PAXX: variants seen among roughly 807,000 people sequenced by gnomAD.
PAXX encodes PAXX non-homologous end joining factor.
In PAXX, 27 loss-of-function variants were observed where a neutral mutation model predicts 25.6. The ratio of observed to expected loss-of-function variants is 1.06; its 90% confidence interval spans 0.78 to 1.46. The LOEUF (loss-of-function observed/expected upper bound fraction) is 1.46, where lower values mean the gene tolerates loss of function less well. Among genes scored for constraint, PAXX ranks in the 40% most tolerant of loss-of-function variants. PAXX has a pLI of 0.00. For missense variants in PAXX, 295 were observed against 280.2 expected (o/e 1.05, Z -0.38); for synonymous variants, 126 against 125.7 (o/e 1.00, Z -0.02).
Position 136,993,139 on chromosome 9 carries a change from C to A in PAXX, c.317C>A (p.Ala106Asp). 6.3e-7 allele frequency: 1 copy of A among 1,595,370 alleles called. No individual in the cohort carries two copies. The highest frequency in any genetic ancestry group is 1.1e-5 in the South Asian group (1 of 88,986). ...CTTTCAGGGGGGCCCTCGGCACTGG[C>A]CTTTGACCTCTCCAAGGTACCAGGC... Reference protein sequence around the residue: ...LTLSGGPSALAFDLSKVPGPE... With the variant: ...LTLSGGPSALDFDLSKVPGPE... Residue 106 changes from alanine to aspartate, a missense_variant, in exon 4 of 7, where the codon GCC becomes GAC. Transcript: ENST00000371620.
Position 136,993,645 on chromosome 9 carries a change from A to G in PAXX, c.556A>G (p.Ile186Val), listed in dbSNP as rs370369437. The G allele has an allele frequency of 1.9e-6, 3 of 1,613,650 alleles. No homozygotes were observed. The African/African-American group carries it at 4.0e-5, about 22-fold the overall frequency. ...VRRRCPGESL[I>V]NPGFKSKKPA... The stretch of plus-strand genomic sequence containing the variant: ...GAGGCGGTGTCCAGGAGAGTCGCTC[A>G]TCAACCCCGGGTTCAAGAGGTACCC... The change falls in exon 6 of 7, where the codon ATC (isoleucine) becomes GTC (valine). Residue 186 changes from isoleucine to valine, a missense_variant. Coordinates refer to ENST00000371620, the MANE Select transcript of PAXX (RefSeq NM_183241.3).
chr9:136,992,897 G>A (rs1179910528), intron 2 of PAXX, 28 bp from the exon 3 acceptor site: 1 of 1,613,262 alleles, frequency 6.2e-7, no homozygotes, highest in Non-Finnish European at 8.5e-7. Flanking sequence ...GTTCCAGGCA[G>A]CTCGTGACAA....
In PAXX at chr9:136,993,887, C is replaced by T. The variant is rs1248178224; in HGVS notation, c.*82C>T. The T allele has an allele frequency of 1.1e-5, 15 of 1,372,756 alleles. No homozygotes were observed. The highest frequency in any genetic ancestry group is 1.4e-5 in the Non-Finnish European group (14 of 988,926). The allele number at this position is 1,372,756 out of a possible 1,614,324, so 85.0% of individuals were successfully genotyped here. The stretch of plus-strand genomic sequence containing the variant: ...TTTGAGGCCCCCATCAGAGACCCCC[C>T]GCCACCACCTCCACCTGCCTGTCCT... On this transcript the variant is annotated 3_prime_UTR_variant, in exon 7 of 7. Coordinates refer to ENST00000371620, the MANE Select transcript of PAXX (RefSeq NM_183241.3).
chr9:136,992,744 C>A, intron 2 of PAXX, 44 bp downstream of exon 2: 2 of 1,547,162 alleles, frequency 1.3e-6, no homozygotes, highest in Middle Eastern at 1.7e-4. Context: ...CCCCTCCTTG[C>A]AGTGCAGATC....
chr9:136,993,100 G>A lies in PAXX; in HGVS notation c.278G>A (p.Arg93Lys). The change falls in exon 4 of 7, where the codon AGA becomes AAA. Residue 93 changes from arginine (R) to lysine (K), a missense_variant. Arg to Lys is a conservative substitution (Grantham distance 26). Coordinates refer to ENST00000371620, the MANE Select transcript of PAXX (RefSeq NM_183241.3). ...QAVALTLQED[R>K]ASLTLSGGPS... Reference sequence around the variant, plus strand: ...GTGGCTCTGACTCTGCAGGAGGACAGAGCATCCCTGACGCTTTCAGGGGGG... The same window carrying A: ...GTGGCTCTGACTCTGCAGGAGGACAAAGCATCCCTGACGCTTTCAGGGGGG... 6.2e-7 allele frequency: 1 copy of A among 1,608,910 alleles called. No individual in the cohort carries two copies. The highest frequency in any genetic ancestry group is 8.5e-7 in the Non-Finnish European group (1 of 1,178,180).
At chr9:136,993,264 C>T in intron 4 of PAXX, 21 bp downstream of exon 4, 1 of 1,558,270 alleles carries the variant, frequency 6.4e-7, no homozygotes, top group Non-Finnish European at 8.7e-7. Context: ...GGGTGGGCAC[C>T]TCATACCTTC....
Position 136,993,655 on chromosome 9 carries a change from G to C in PAXX, c.566G>C (p.Gly189Ala), listed in dbSNP as rs767439543. The change falls in exon 6 of 7, where the codon GGG becomes GCG. Residue 189 changes from glycine (G) to alanine (A), a missense_variant. Transcript: ENST00000371620. Reference protein sequence around the residue: ...RCPGESLINPGFKSKKPAGGV... With the variant: ...RCPGESLINPAFKSKKPAGGV... Reference sequence around the variant, plus strand: ...CCAGGAGAGTCGCTCATCAACCCCGGGTTCAAGAGGTACCCTCCCACAGCC... The same window carrying C: ...CCAGGAGAGTCGCTCATCAACCCCGCGTTCAAGAGGTACCCTCCCACAGCC... The C allele has an allele frequency of 4.3e-6, 7 of 1,613,630 alleles. No individual in the cohort carries two copies. Among genetic ancestry groups the C allele is most frequent in the Non-Finnish European group, 5.1e-6 (6 of 1,179,972 alleles).
intron 2 of PAXX, 93 bp downstream of exon 2, chr9:136,992,793 C>G: frequency 6.3e-7 from 1 of 1,582,444 alleles, no homozygotes; most frequent in Non-Finnish European, 8.6e-7. Context: ...CCCCAGAAGG[C>G]TCTGACACCC....
In PAXX at chr9:136,993,661, A is replaced by G. The variant is rs756009637; in HGVS notation, c.572A>G (p.Lys191Arg). The change falls in exon 6 of 7, where the codon AAG (lysine) becomes AGG (arginine). Residue 191 changes from lysine (K) to arginine (R), a missense_variant. By Grantham distance (26) the Lys-to-Arg change is conservative. Coordinates refer to ENST00000371620, the MANE Select transcript of PAXX (RefSeq NM_183241.3). ...GAGTCGCTCATCAACCCCGGGTTCA[A>G]GAGGTACCCTCCCACAGCCCCCTTC... ...PGESLINPGF[K>R]SKKPAGGVDF... 5 of 1,613,770 alleles carry G rather than the reference A, an allele frequency of 3.1e-6. No individual in the cohort carries two copies. The South Asian group carries it at 5.5e-5, about 18-fold the overall frequency.
chr9:136,993,420 T>C lies in PAXX; in HGVS notation c.490+9T>C, dbSNP rs1433372501. 1 of 1,603,852 alleles carries C rather than the reference T, an allele frequency of 6.2e-7. No homozygotes were observed. The highest frequency in any genetic ancestry group is 2.2e-5 in the East Asian group (1 of 44,572). The stretch of plus-strand genomic sequence containing the variant: ...TCAGCTCTTCTTACCAGGTAAGGCA[T>C]GTCCGCCTGTGACTCAAGTAGGGCT... On this transcript the variant is annotated intron_variant, in intron 5 of 6. Transcript: ENST00000371620.
chr9:136,993,559 C>T (rs760005959), intron 5 of PAXX, 21 bp from the exon 6 acceptor site: 4 of 1,612,456 alleles, frequency 2.5e-6, no homozygotes, highest in Admixed American at 3.3e-5. Context: ...CAGGAGCTGC[C>T]CCTGTCCTGT....
intron 2 of PAXX, 83 bp downstream of exon 2, chr9:136,992,783 C>G: frequency 6.4e-7 from 1 of 1,569,952 alleles, no homozygotes; most frequent in Non-Finnish European, 8.7e-7. Flanking sequence ...ATCTGGGATT[C>G]CCCAGAAGGC....
At position 136,992,482 on chromosome 9, in the gene PAXX, G is replaced by T. The variant is rs1161004564; in HGVS notation, c.39G>T (p.Pro13=). ...PLSPPLCTLP[P]GPEPPRFVCY... ...CGCCGCCGCTCTGCACGCTGCCGCC[G>T]GGCCCCGAGCCGCCCCGCTTCGTGT... Residue 13 remains proline, a synonymous_variant, in exon 1 of 7, where the codon CCG becomes CCT. Coordinates refer to ENST00000371620, the MANE Select transcript of PAXX (RefSeq NM_183241.3). 1.4e-6 allele frequency: 2 copies of T among 1,385,712 alleles called. No individual in the cohort carries two copies. The highest frequency in any genetic ancestry group is 1.9e-6 in the Non-Finnish European group (2 of 1,066,656). The allele number at this position is 1,385,712 out of a possible 1,614,324, so 85.8% of individuals were successfully genotyped here. A position where few individuals can be genotyped will look rare whatever the true frequency, so the allele number is the denominator to read the frequency against.
intron 5 of PAXX, 36 bp from the exon 6 acceptor site, chr9:136,993,543 CA>C: frequency 6.2e-7 from 1 of 1,610,196 alleles, no homozygotes; most frequent in Non-Finnish European, 8.5e-7. Context: ...GGGATGCTGC[CA>C]GGTTCAGGAG....
intron 6 of PAXX, 33 bp downstream of exon 6, chr9:136,993,697 G>A (rs746167597): frequency 6.2e-7 from 1 of 1,613,504 alleles, no homozygotes; most frequent in Non-Finnish European, 8.5e-7. Flanking sequence ...CTGCGCCCAG[G>A]GTCCAATCCT....
At position 136,993,680 on chromosome 9, in the gene PAXX, C is replaced by A; in HGVS notation, c.575+16C>A. 1 of 1,613,652 alleles carries A rather than the reference C, an allele frequency of 6.2e-7. No individual in the cohort carries two copies. Among genetic ancestry groups the A allele is most frequent in the Non-Finnish European group, 8.5e-7 (1 of 1,179,836 alleles). On this transcript the variant is annotated intron_variant, in intron 6 of 6. Coordinates refer to ENST00000371620, the MANE Select transcript of PAXX (RefSeq NM_183241.3). ...GGTTCAAGAGGTACCCTCCCACAGC[C>A]CCCTTCCTGCGCCCAGGGTCCAATC...
chr9:136,993,949 T>A lies in PAXX; in HGVS notation c.*144T>A. The A allele has an allele frequency of 1.3e-6, 1 of 782,524 alleles. No individual in the cohort carries two copies. The highest frequency in any genetic ancestry group is 2.1e-6 in the Non-Finnish European group (1 of 479,760). 48.5% of individuals were successfully genotyped at this position (782,524 alleles called of 1,614,324 possible). On this transcript the variant is annotated 3_prime_UTR_variant, in exon 7 of 7. Transcript: ENST00000371620. ...AACACGGCTCCTCAAATTCCTTCCC[T>A]GTCAAATAAACAGCTCCCTTGGTTG...
At chr9:136,993,272 T>G in intron 4 of PAXX, 29 bp downstream of exon 4, 1 of 1,561,840 alleles carries the variant, frequency 6.4e-7, no homozygotes, top group Non-Finnish European at 8.7e-7. Context: ...ACCTCATACC[T>G]TCACTGGGGT....
Position 136,993,196 on chromosome 9 carries a change from C to G in PAXX, c.374C>G (p.Thr125Arg). ...GCAGCCCCCAGGCTGCGGGCGCTGA[C>G]ACTGGGCCTGGCAAAACGCGTGTGG... The part of the protein sequence containing the change: ...PEAAPRLRAL[T>R]LGLAKRVWSL... The change falls in exon 4 of 7, where the codon ACA becomes AGA. Residue 125 changes from threonine (T) to arginine (R), a missense_variant. Physicochemically the swap from Thr to Arg is moderately conservative, Grantham distance 71. Transcript: ENST00000371620. The G allele has an allele frequency of 6.5e-7, 1 of 1,544,770 alleles. No individual in the cohort carries two copies. Among genetic ancestry groups the G allele is most frequent in the East Asian group, 2.3e-5 (1 of 44,314 alleles).
Sources: allele counts gnomAD v4.1 joint callset, GRCh38; gene constraint gnomAD v4.1.1; transcripts MANE v1.5; gene names NCBI Gene and HGNC (gene_info 2026-07-23, HGNC 2026-07-21).